The following NRP2 variants were observed in gnomAD, a reference collection of about 807,000 sequenced individuals.
NRP2 encodes neuropilin-2.
Under a neutral mutation model 110.4 loss-of-function variants are expected in NRP2, and 52 were observed. That is an observed-to-expected ratio of 0.47 (90% confidence interval 0.38 to 0.59). NRP2 has a LOEUF of 0.59. Among genes scored for constraint, NRP2 ranks in the 20% least tolerant of loss-of-function variants. The pLI is 0.00. For synonymous variants in NRP2, 508 were observed against 468.9 expected, an observed-to-expected ratio of 1.08 and a Z score of -1.08; for missense variants, 1,049 against 1,203.0, an observed-to-expected ratio of 0.87 and a Z score of 1.89.
Position 205,794,768 on chromosome 2 carries a change from G to T in NRP2, c.2491G>T (p.Asp831Tyr). 6.2e-7 allele frequency: 1 copy of T among 1,614,138 alleles called. No homozygotes were observed. Among genetic ancestry groups the T allele is most frequent in the African/African-American group, 1.3e-5 (1 of 75,032 alleles). The change falls in exon 17 of 17, where the codon GAC (aspartate) becomes TAC (tyrosine). Residue 831 changes from aspartate to tyrosine, a missense_variant. Physicochemically the swap from Asp to Tyr is radical, Grantham distance 160 (BLOSUM62 -3). Coordinates refer to ENST00000357785, the MANE Select transcript of NRP2 (RefSeq NM_003872.3). ...ATGTATCGCAGATGAATACGAGGTG[G>T]ACTGGAGCAATTCTTCTTCTGCAAC... ...EDEIDDEYEV[D>Y]WSNSSSATSG... is the part of the protein sequence containing the mutation.
At chr2:205,699,415 G>A (rs774014624) in intron 2 of NRP2, among the ~76,000 whole-genome samples, 3 of 152,196 alleles carry the variant, frequency 2.0e-5, no homozygotes, top group Non-Finnish European at 2.9e-5. Flanking sequence ...TCTCTACTAA[G>A]GGCCAAATTC....
intron 15 of NRP2, chr2:205,776,179 TA>T: frequency 6.8e-7 from 1 of 1,464,234 alleles, no homozygotes; most frequent in Non-Finnish European, 9.5e-7. Flanking sequence ...TTTCTTTTTT[TA>T]AATTAGTCTT....
intron 9 of NRP2, among the ~76,000 whole-genome samples, chr2:205,744,615 C>T (rs754223833): frequency 1.3e-5 from 2 of 152,188 alleles, no homozygotes; most frequent in Non-Finnish European, 2.9e-5. Context: ...AGGCCAGGCT[C>T]TCTGATTCTT....
intron 7 of NRP2, among the ~76,000 whole-genome samples, chr2:205,732,590 G>A (rs966534929): frequency 9.2e-5 from 14 of 152,208 alleles, no homozygotes; most frequent in Non-Finnish European, 1.8e-4. Context: ...TCTGTAGATG[G>A]AAGGCTCTCC....
intron 16 of NRP2, among the ~76,000 whole-genome samples, chr2:205,792,637 T>C (rs986693377): frequency 6.6e-6 from 1 of 152,224 alleles, no homozygotes; most frequent in Non-Finnish European, 1.5e-5. Flanking sequence ...AAAAATGGCC[T>C]GAGTGAATGA....
chr2:205,771,311 G>A (rs2105935731), intron 15 of NRP2, among the ~76,000 whole-genome samples: 1 of 152,248 alleles, frequency 6.6e-6, no homozygotes, highest in East Asian at 1.9e-4. Flanking sequence ...CACATCAGAG[G>A]GCGTGACCAC....
intron 2 of NRP2, chr2:205,700,710 G>C: frequency 1.9e-6 from 1 of 518,908 alleles, no homozygotes; most frequent in South Asian, 1.4e-5. Flanking sequence ...ATTGAAGCTT[G>C]CTGTCTGCTT....
At chr2:205,762,971 C>A (rs1287624421) in intron 12 of NRP2, among the ~76,000 whole-genome samples, 4 of 152,190 alleles carry the variant, frequency 2.6e-5, no homozygotes, top group African/African-American at 4.8e-5. Flanking sequence ...AATGACAGCA[C>A]CTTTATCACT....
intron 15 of NRP2, among the ~76,000 whole-genome samples, chr2:205,774,955 A>G (rs2058075890): frequency 6.6e-6 from 1 of 152,046 alleles, no homozygotes; most frequent in Non-Finnish European, 1.5e-5. Context: ...GGAGGCATGA[A>G]AATAGAAATG....
At position 205,726,055 on chromosome 2, in the gene NRP2, C is replaced by A; in HGVS notation, c.963C>A (p.Asn321Lys). 1 of 1,614,208 alleles carries A rather than the reference C, an allele frequency of 6.2e-7. No homozygotes were observed. The highest frequency in any genetic ancestry group is 8.5e-7 in the Non-Finnish European group (1 of 1,180,048). ...LHGDDNGWTP[N>K]LDSNKEYLQV... ...GTGATGACAATGGCTGGACCCCCAA[C>A]TTGGATTCCAACAAGGAGTATCTCC... Residue 321 changes from asparagine (N) to lysine (K), a missense_variant, in exon 6 of 17, where the codon AAC (asparagine) becomes AAA (lysine). By Grantham distance (94) the Asn-to-Lys change is moderately conservative. Coordinates refer to ENST00000357785, the MANE Select transcript of NRP2 (RefSeq NM_003872.3).
At chr2:205,769,671 C>A (rs1052099477) in intron 15 of NRP2, among the ~76,000 whole-genome samples, 1 of 152,010 alleles carries the variant, frequency 6.6e-6, no homozygotes, top group Non-Finnish European at 1.5e-5. Flanking sequence ...TTAAAAAGAC[C>A]CTTTTTTGTG....
rs60199072 is a variant in NRP2 at position 205,683,555 on chromosome 2, A to AGT, written c.73+222_73+223dup. ...AACCCAACTTTCCTCTCCTGCTAGG[A>AGT]GTGTGTGTGTGTGTGTGTGTGTGTG... On this transcript the variant is annotated intron_variant, in intron 1 of 16. Transcript: ENST00000357785. 5.1e-3 allele frequency among the ~76,000 whole-genome samples: 770 copies of AGT among 150,122 alleles called. 5 individuals carry two copies. The highest frequency in any genetic ancestry group is 8.5e-3 in the East Asian group (43 of 5,040).
intron 10 of NRP2, among the ~76,000 whole-genome samples, chr2:205,748,406 T>G (rs1054542241): frequency 5.3e-5 from 8 of 152,236 alleles, no homozygotes; most frequent in African/African-American, 1.9e-4. Context: ...TACTGCCCCA[T>G]AGTTTGCTTT....
chr2:205,776,927 G>T lies in NRP2; in HGVS notation c.2425+10124G>T, dbSNP rs1395380956. ...GAGACGTGAGGGGAAGCCTGGATCT[G>T]TGTGTATGTACATAGTAGACATGTG... On this transcript the variant is annotated intron_variant, in intron 15 of 16. Coordinates refer to ENST00000357785, the MANE Select transcript of NRP2 (RefSeq NM_003872.3). 3 of 1,189,056 alleles carry T rather than the reference G, an allele frequency of 2.5e-6. No individual in the cohort carries two copies. In the South Asian group the frequency reaches 5.0e-5, roughly 20 times the overall value. The allele number at this position is 1,189,056 out of a possible 1,614,324, so 73.7% of individuals were successfully genotyped here.
chr2:205,745,787 A>G lies in NRP2; in HGVS notation c.1683A>G (p.Arg561=). Residue 561 remains arginine, a synonymous_variant, in exon 10 of 17, where the codon CGA becomes CGG. Transcript: ENST00000357785. ...TGCACTATGACACCCCTGACATCCG[A>G]AGGTTTGACCCCATTCCGGCACAGT... ...GNMHYDTPDI[R]RFDPIPAQYV... 5.6e-6 allele frequency: 9 copies of G among 1,614,192 alleles called. No individual in the cohort carries two copies. Among genetic ancestry groups the G allele is most frequent in the Non-Finnish European group, 7.6e-6 (9 of 1,180,016 alleles).
intron 7 of NRP2, among the ~76,000 whole-genome samples, chr2:205,736,560 G>A (rs1383797659): frequency 6.6e-6 from 1 of 152,160 alleles, no homozygotes; most frequent in Non-Finnish European, 1.5e-5. Flanking sequence ...TCTCCCACCT[G>A]TGCAAAGACC....
At chr2:205,779,384 C>G (rs2058147672) in intron 15 of NRP2, 1 of 152,222 alleles carries the variant, frequency 6.6e-6, no homozygotes, top group African/African-American at 2.4e-5. Flanking sequence ...GTAAAATTGT[C>G]TTTTCCCTTG....
At chr2:205,777,041 A>T in intron 15 of NRP2, 1 of 1,010,264 alleles carries the variant, frequency 9.9e-7, no homozygotes, top group South Asian at 4.2e-5. Context: ...GTGTTCAGAG[A>T]GGGCCCCTTT....
chr2:205,750,264 G>A (rs954407829), intron 11 of NRP2, among the ~76,000 whole-genome samples: 1 of 152,306 alleles, frequency 6.6e-6, no homozygotes, highest in East Asian at 1.9e-4. Flanking sequence ...GCAGTCATCT[G>A]GGTGATGGAG....
Sources: allele counts gnomAD v4.1 joint callset (sites outside exome capture counted in the v4.1 genomes callset), GRCh38; gene constraint gnomAD v4.1.1; transcripts MANE v1.5; gene names NCBI Gene and HGNC (gene_info 2026-07-23, HGNC 2026-07-21).